Variants in EPHA6 observed in about 807,000 individuals in gnomAD.
EPHA6 encodes the protein ephrin type-A receptor 6.
EPHA6 carries 50 observed loss-of-function variants against 112.0 expected under a neutral mutation model. The ratio of observed to expected loss-of-function variants is 0.45; its 90% CI spans 0.36 to 0.56. The LOEUF (loss-of-function observed/expected upper bound fraction) is 0.56, where lower values mean the gene tolerates loss of function less well. Ranked by LOEUF, EPHA6 falls within the 20% of genes least tolerant of loss-of-function variation. The pLI is 0.00. For synonymous variants in EPHA6, 529 were observed against 490.7 expected (o/e 1.08, Z -1.03); for missense variants, 1,280 against 1,417.4 (o/e 0.90, Z 1.56).
chr3:97,138,665 T>A (rs1253911070), intron 3 of EPHA6, among the ~76,000 whole-genome samples: 2 of 152,166 alleles, frequency 1.3e-5, no homozygotes, highest in East Asian at 3.9e-4. Context: ...AGATTTGTAA[T>A]CTAATCTCAA....
chr3:97,298,294 T>A (rs2108706627), intron 5 of EPHA6, among the ~76,000 whole-genome samples: 1 of 152,300 alleles, frequency 6.6e-6, no homozygotes, highest in South Asian at 2.1e-4. Flanking sequence ...TTAATTTCCA[T>A]AAGAAATGAC....
intron 1 of EPHA6, among the ~76,000 whole-genome samples, chr3:96,838,420 TG>T (rs956044191): frequency 3.4e-4 from 51 of 152,238 alleles, no homozygotes; most frequent in African/African-American, 1.2e-3. Context: ...TACCCAGTAA[TG>T]GGATTGCTGG....
In EPHA6 at chr3:97,454,051, G is replaced by A. The variant is rs745433154; in HGVS notation, c.1894+5321G>A. Among the ~76,000 whole-genome samples the A allele has an allele frequency of 5.0e-4, 76 of 151,598 alleles. 1 individual carries two copies. Among genetic ancestry groups the A allele is most frequent in the Admixed American group, 6.6e-5 (1 of 15,206 alleles). ...ATTCTCTGGAAAAATTAGATTATTT[G>A]GATGCTTCATGAACAAAATAATCTG... On this transcript the variant is annotated intron_variant, in intron 7 of 17. Coordinates refer to ENST00000389672, the MANE Select transcript of EPHA6 (RefSeq NM_001080448.3).
At chr3:97,024,686 G>T (rs2044576901) in intron 3 of EPHA6, among the ~76,000 whole-genome samples, 1 of 152,118 alleles carries the variant, frequency 6.6e-6, no homozygotes, top group African/African-American at 2.4e-5. Flanking sequence ...TGAGCCAAGT[G>T]TTGTATTTAA....
chr3:96,986,428 A>C (rs1010577821), intron 2 of EPHA6, among the ~76,000 whole-genome samples: 1 of 152,068 alleles, frequency 6.6e-6, no homozygotes, highest in African/African-American at 2.4e-5. Flanking sequence ...TTCAGTGCCC[A>C]CTTATGCTCT....
intron 3 of EPHA6, among the ~76,000 whole-genome samples, chr3:97,048,069 A>G (rs2045571232): frequency 6.6e-6 from 1 of 152,254 alleles, no homozygotes; most frequent in Non-Finnish European, 1.5e-5. Context: ...AAAATCAAGA[A>G]GAATTCAAAT....
chr3:96,949,165 C>T (rs928242253), intron 2 of EPHA6, among the ~76,000 whole-genome samples: 14 of 152,072 alleles, frequency 9.2e-5, no homozygotes, highest in Non-Finnish European at 2.1e-4. Flanking sequence ...GAATCTGGCC[C>T]AGTTACTGAT....
chr3:97,529,842 C>G (rs1313712245), intron 10 of EPHA6, among the ~76,000 whole-genome samples: 1 of 151,962 alleles, frequency 6.6e-6, no homozygotes, highest in African/African-American at 2.4e-5. Context: ...GAAGAAAACA[C>G]CTGCCTGGTG....
At chr3:97,423,399 A>G (rs1283446625) in intron 6 of EPHA6, among the ~76,000 whole-genome samples, 1 of 152,236 alleles carries the variant, frequency 6.6e-6, no homozygotes, top group African/African-American at 2.4e-5. Flanking sequence ...AATTCCATTT[A>G]CAAATGCCAC....
rs143226068 is a variant in EPHA6, at chr3:97,423,110, C to T, written c.1731+17836C>T. 3.7e-3 allele frequency among the ~76,000 whole-genome samples: 557 copies of T among 152,294 alleles called. 2 individuals carry two copies. Among genetic ancestry groups the T allele is most frequent in the African/African-American group, 0.013 (520 of 41,560 alleles). ...AACCGGAACAAGACAAGGATGCCTA[C>T]TCTAACCATGCCTATCCAAAATACT... On this transcript the variant is annotated intron_variant, in intron 6 of 17. Coordinates refer to ENST00000389672, the MANE Select transcript of EPHA6 (RefSeq NM_001080448.3).
At chr3:97,549,376 A>G (rs1335902572) in intron 11 of EPHA6, among the ~76,000 whole-genome samples, 1 of 152,152 alleles carries the variant, frequency 6.6e-6, no homozygotes, top group Admixed American at 6.6e-5. Context: ...GTGATTAAAG[A>G]TGAGAAAATT....
chr3:96,987,458 A>T lies in EPHA6; in HGVS notation c.579A>T (p.Lys193Asn), dbSNP rs745551875. 6.2e-6 allele frequency: 10 copies of T among 1,613,956 alleles called. No individual in the cohort carries two copies. The Admixed American group carries it at 1.5e-4, about 24-fold the overall frequency. Residue 193 changes from lysine (K) to asparagine (N), a missense_variant, in exon 3 of 18, where the codon AAA becomes AAT. By Grantham distance (94) the Lys-to-Asn change is moderately conservative (BLOSUM62 0). Around this residue, in one of 4 missense-constraint regions of EPHA6, gnomAD observed 878 missense variants for 999.7 expected, o/e 0.88. Transcript: ENST00000389672. ...TNWISRDAAQ[K>N]IYVEMKFTLR... ...GGATCTCCCGTGATGCAGCTCAGAA[A>T]ATTTATGTGGAAATGAAATTCACAC... is the stretch of plus-strand genomic sequence containing the variant.
At chr3:97,466,104 C>T (rs768910398) in intron 7 of EPHA6, among the ~76,000 whole-genome samples, 3 of 151,816 alleles carry the variant, frequency 2.0e-5, no homozygotes, top group Non-Finnish European at 4.4e-5. Context: ...ATTGGAATAT[C>T]TCCTGGCACA....
intron 12 of EPHA6, among the ~76,000 whole-genome samples, chr3:97,597,170 G>A (rs115592296): frequency 0.014 from 2,196 of 151,912 alleles, 52 homozygotes; most frequent in African/African-American, 0.048. Flanking sequence ...GTGGTTAATC[G>A]TAGAAGCTCT....
chr3:97,596,581 A>G (rs2093592651), intron 12 of EPHA6, among the ~76,000 whole-genome samples: 1 of 151,902 alleles, frequency 6.6e-6, no homozygotes, highest in East Asian at 1.9e-4. Context: ...CATAAAATGC[A>G]ACCATTACAA....
At chr3:97,176,281 T>C (rs1559775584) in intron 3 of EPHA6, among the ~76,000 whole-genome samples, 1 of 151,886 alleles carries the variant, frequency 6.6e-6, no homozygotes, top group Non-Finnish European at 1.5e-5. Flanking sequence ...TTCTAATATA[T>C]TGTTGAATTC....
chr3:97,696,726 C>T (rs1331250443), intron 14 of EPHA6, among the ~76,000 whole-genome samples: 1 of 152,010 alleles, frequency 6.6e-6, no homozygotes, highest in Non-Finnish European at 1.5e-5. Flanking sequence ...GTACTATGGT[C>T]CAAGCGTTGC....
At chr3:97,388,643 G>C (rs576320837) in intron 5 of EPHA6, among the ~76,000 whole-genome samples, 1 of 152,252 alleles carries the variant, frequency 6.6e-6, no homozygotes, top group South Asian at 2.1e-4. Context: ...CTTTGGTAAT[G>C]GGAGGCAATC....
intron 5 of EPHA6, among the ~76,000 whole-genome samples, chr3:97,253,010 AG>A (rs2079187874): frequency 1.3e-5 from 2 of 152,222 alleles, no homozygotes; most frequent in Non-Finnish European, 1.5e-5. Flanking sequence ...TGGGAAAAAA[AG>A]ATGCCTGTGT....
Sources: gnomAD v4.1 joint callset for allele counts (sites outside exome capture counted in the v4.1 genomes callset) on GRCh38, gnomAD v4.1.1 for gene constraint, gnomAD v4.1.1 regional missense constraint, MANE v1.5 for transcripts, NCBI Gene and HGNC (gene_info 2026-07-23, HGNC 2026-07-21) for gene names.